RUNX2: variants seen among roughly 807,000 people sequenced by gnomAD.
The protein encoded by RUNX2 is RUNX family transcription factor 2, also known as runt-related transcription factor 2.
RUNX2 carries 10 observed loss-of-function variants against 51.7 expected under a neutral mutation model. That is an observed-to-expected ratio of 0.19 (90% CI 0.12 to 0.33). The LOEUF is 0.33. Ranked by LOEUF, RUNX2 falls within the 10% of genes least tolerant of loss-of-function variation. RUNX2 has a pLI of 1.00. For synonymous variants in RUNX2, 276 were observed against 273.6 expected (o/e 1.01, Z -0.09); for missense variants, 562 against 691.3 (o/e 0.81, Z 2.10).
chr6:45,445,631 A>T (rs928361320), intron 5 of RUNX2, among the ~76,000 whole-genome samples: 6 of 152,224 alleles, frequency 3.9e-5, no homozygotes, highest in Admixed American at 2.0e-4. Flanking sequence ...GTGCCCAAGG[A>T]ATAGAATTTA....
At chr6:45,382,621 T>C (rs902674685) in intron 2 of RUNX2, among the ~76,000 whole-genome samples, 9 of 152,140 alleles carry the variant, frequency 5.9e-5, no homozygotes, top group African/African-American at 1.7e-4. Context: ...CCACTGTAGC[T>C]AAAGAAGAGT....
intron 2 of RUNX2, among the ~76,000 whole-genome samples, chr6:45,348,512 C>CAAAAAAAAAAAAAAAAAA (rs754208599): frequency 3.6e-5 from 4 of 110,358 alleles, no homozygotes; most frequent in African/African-American, 7.3e-5. Context: ...ACTAAAAATA[C>CAAAAAAAAAAAAAAAAAA]AAAAAAAAAA....
chr6:45,342,185 A>T (rs913400892), intron 2 of RUNX2, among the ~76,000 whole-genome samples: 24 of 152,174 alleles, frequency 1.6e-4, no homozygotes, highest in Non-Finnish European at 4.4e-5. Context: ...GGTTTTTATT[A>T]TAAATAGAAT....
chr6:45,328,537 T>G (rs370453738), intron 1 of RUNX2, 77 bp downstream of exon 1: 4 of 1,573,350 alleles, frequency 2.5e-6, no homozygotes, highest in Non-Finnish European at 3.5e-6. Flanking sequence ...TTTGTTTTGT[T>G]TCTTTGCTTT....
intron 5 of RUNX2, among the ~76,000 whole-genome samples, chr6:45,482,579 A>G (rs1417470745): frequency 6.6e-6 from 1 of 152,208 alleles, no homozygotes; most frequent in Non-Finnish European, 1.5e-5. Context: ...TCTCTCACAC[A>G]CATCTAATTG....
intron 5 of RUNX2, among the ~76,000 whole-genome samples, chr6:45,487,212 CT>C (rs1334236824): frequency 6.6e-6 from 1 of 152,132 alleles, no homozygotes; most frequent in Non-Finnish European, 1.5e-5. Context: ...CCCTGAATGA[CT>C]GCTGCTGAAC....
intron 5 of RUNX2, among the ~76,000 whole-genome samples, chr6:45,470,648 C>T (rs981665680): frequency 2.0e-5 from 3 of 152,156 alleles, no homozygotes; most frequent in African/African-American, 7.2e-5. Flanking sequence ...ATCAGATTGT[C>T]CTTTCTTTGG....
intron 2 of RUNX2, among the ~76,000 whole-genome samples, chr6:45,388,318 G>A (rs1797397894): frequency 6.6e-6 from 1 of 152,220 alleles, no homozygotes; most frequent in African/African-American, 2.4e-5. Context: ...GGTAAATCCT[G>A]TATGAGGTGA....
intron 2 of RUNX2, among the ~76,000 whole-genome samples, chr6:45,331,096 C>T (rs772431867): frequency 1.0e-4 from 15 of 144,462 alleles, no homozygotes; most frequent in South Asian, 6.7e-4. Flanking sequence ...ACCTCAAATA[C>T]AATGAGTGGT....
intron 7 of RUNX2, among the ~76,000 whole-genome samples, chr6:45,524,968 G>C (rs535946688): frequency 6.6e-6 from 1 of 152,286 alleles, no homozygotes; most frequent in South Asian, 2.1e-4. Context: ...ACAATTAGCT[G>C]GGTGTGGTGG....
At chr6:45,401,636 G>T (rs1460670914) in intron 2 of RUNX2, among the ~76,000 whole-genome samples, 1 of 152,362 alleles carries the variant, frequency 6.6e-6, no homozygotes, top group South Asian at 2.1e-4. Context: ...ACTGCAACCA[G>T]TAATTGAATA....
At chr6:45,329,556 A>C (rs1438802032) in intron 2 of RUNX2, among the ~76,000 whole-genome samples, 1 of 151,928 alleles carries the variant, frequency 6.6e-6, no homozygotes, top group Non-Finnish European at 1.5e-5. Flanking sequence ...TTATAAACAC[A>C]CTGAAACACT....
At chr6:45,483,737 T>A (rs1800180707) in intron 5 of RUNX2, among the ~76,000 whole-genome samples, 1 of 152,018 alleles carries the variant, frequency 6.6e-6, no homozygotes, top group Non-Finnish European at 1.5e-5. Flanking sequence ...CAGAACAATG[T>A]GATGACCAAG....
intron 2 of RUNX2, among the ~76,000 whole-genome samples, chr6:45,400,012 A>G (rs1797672686): frequency 7.1e-6 from 1 of 140,170 alleles, no homozygotes; most frequent in African/African-American, 2.6e-5. Context: ...GAAGAAAGGA[A>G]GGAAAGAAGG....
intron 2 of RUNX2, among the ~76,000 whole-genome samples, chr6:45,360,683 T>C (rs1794100114): frequency 6.6e-6 from 1 of 152,200 alleles, no homozygotes; most frequent in Non-Finnish European, 1.5e-5. Flanking sequence ...TCATTGCTAT[T>C]TATCCCAAAC....
intron 2 of RUNX2, among the ~76,000 whole-genome samples, chr6:45,362,170 T>G (rs1794379446): frequency 6.6e-6 from 1 of 152,236 alleles, no homozygotes; most frequent in Non-Finnish European, 1.5e-5. Flanking sequence ...TAGGACAGAT[T>G]GGTTGCCAGT....
At chr6:45,392,532 C>T (rs945998475) in intron 2 of RUNX2, among the ~76,000 whole-genome samples, 2 of 152,046 alleles carry the variant, frequency 1.3e-5, no homozygotes, top group Admixed American at 1.3e-4. Flanking sequence ...AATAAATACC[C>T]TTTTACTTCT....
At chr6:45,365,434 T>C (rs1794967921) in intron 2 of RUNX2, 3 of 605,452 alleles carry the variant, frequency 5.0e-6, no homozygotes, top group Non-Finnish European at 8.4e-6. Context: ...TGCACAAAAC[T>C]GATTCACTTA....
intron 5 of RUNX2, among the ~76,000 whole-genome samples, chr6:45,469,171 T>C (rs1451154968): frequency 6.6e-6 from 1 of 152,220 alleles, no homozygotes; most frequent in Non-Finnish European, 1.5e-5. Flanking sequence ...AGCTATTACC[T>C]ACCAGCTTGT....
Sources: gnomAD v4.1 joint callset for allele counts (sites outside exome capture counted in the v4.1 genomes callset) on GRCh38, gnomAD v4.1.1 for gene constraint, MANE v1.5 for transcripts, NCBI Gene and HGNC (gene_info 2026-07-23, HGNC 2026-07-21) for gene names.